Variants in TOP1MT observed in about 807,000 individuals in gnomAD.
TOP1MT encodes the protein DNA topoisomerase I, mitochondrial.
Under a neutral mutation model 73.9 loss-of-function variants are expected in TOP1MT, and 80 were observed. That is an observed-to-expected ratio of 1.08 (90% CI 0.90 to 1.30). The LOEUF (loss-of-function observed/expected upper bound fraction) is 1.30, where lower values mean the gene tolerates loss of function less well. TOP1MT is among the 50% of genes most tolerant of loss of function. The probability of loss-of-function intolerance (pLI) is 0.00; values close to 1 mark genes in which losing one functional copy is unlikely to be tolerated. For synonymous variants in TOP1MT, 338 were observed against 326.4 expected, an observed-to-expected ratio of 1.04 and a Z score of -0.38; for missense variants, 815 against 808.0, an observed-to-expected ratio of 1.01 and a Z score of -0.10.
rs145053975 is a variant in TOP1MT, at chr8:143,309,470, C to T, written c.1777G>A (p.Ala593Thr). ...TQRERFAWAL[A>T]MAGEDFEF ...AATTCAAAGTCTTCTCCTGCCATGG[C>T]GAGAGCCCAGGCGAACCTCTCCCGC... Residue 593 changes from alanine to threonine, a missense_variant, in exon 14 of 14, where the codon GCC becomes ACC. Physicochemically the swap from Ala to Thr is moderately conservative, Grantham distance 58 (BLOSUM62 0). This residue lies in a region of TOP1MT where 751 missense variants were observed against 725.4 expected (regional missense o/e 1.04). Transcript: ENST00000329245. 1.8e-4 allele frequency: 294 copies of T among 1,613,764 alleles called. 1 individual carries two copies. The highest frequency in any genetic ancestry group is 2.3e-4 in the Non-Finnish European group (274 of 1,180,034).
chr8:143,345,921 A>G (rs1817212741), upstream of TOP1MT, among the ~76,000 whole-genome samples: 1 of 152,242 alleles, frequency 6.6e-6, no homozygotes, highest in Non-Finnish European at 1.5e-5. Flanking sequence ...CGCAGGAAAC[A>G]CCTGCAGAAA....
At chr8:143,325,589 C>T in intron 4 of TOP1MT, 56 bp from the exon 5 acceptor site, 1 of 1,536,126 alleles carries the variant, frequency 6.5e-7, no homozygotes, top group Non-Finnish European at 8.9e-7. Flanking sequence ...GAACAGGCCT[C>T]AGTCCGTTGT....
At chr8:143,331,440 A>T in intron 1 of TOP1MT, 101 bp from the exon 2 acceptor site, 3 of 972,898 alleles carry the variant, frequency 3.1e-6, no homozygotes, top group Non-Finnish European at 4.6e-6. Flanking sequence ...CTAGCAGGTG[A>T]GCAGTGTGGC....
In TOP1MT at chr8:143,321,374, C is replaced by G. The variant is rs760932968; in HGVS notation, c.973G>C (p.Ala325Pro). The G allele has an allele frequency of 6.3e-7, 1 of 1,587,072 alleles. No homozygotes were observed. The highest frequency in any genetic ancestry group is 1.1e-5 in the South Asian group (1 of 89,354). ...LYFIDKLALRAGNEKEDGEAA... is the reference protein window; with the variant it reads ...LYFIDKLALRPGNEKEDGEAA... ...TCACCGTCCTCCTTCTCATTTCCTGCTCTCAGTGCCAGCTAGTTGGTGGGG... is the reference window on the plus strand; with the variant it reads ...TCACCGTCCTCCTTCTCATTTCCTGGTCTCAGTGCCAGCTAGTTGGTGGGG... The change falls in exon 8 of 14, where the codon GCA becomes CCA. Residue 325 changes from alanine (A) to proline (P), a missense_variant. Ala to Pro is a conservative substitution (Grantham distance 27). Coordinates refer to ENST00000329245, the MANE Select transcript of TOP1MT (RefSeq NM_052963.3).
At chr8:143,319,450 C>T (rs1816268540) in intron 8 of TOP1MT, among the ~76,000 whole-genome samples, 1 of 152,096 alleles carries the variant, frequency 6.6e-6, no homozygotes, top group Non-Finnish European at 1.5e-5. Flanking sequence ...GTGGGCCTTG[C>T]GCCCAGCCTG....
At chr8:143,327,515 T>A (rs1816740550) in intron 3 of TOP1MT, 1 of 165,924 alleles carries the variant, frequency 6.0e-6, no homozygotes, top group African/African-American at 2.4e-5. Flanking sequence ...TCCGAGGAGC[T>A]CAGGTACGAC....
intron 1 of TOP1MT, among the ~76,000 whole-genome samples, chr8:143,333,139 C>T (rs1032946033): frequency 1.3e-5 from 2 of 151,562 alleles, no homozygotes; most frequent in Admixed American, 6.6e-5. Context: ...TGGGAAACCA[C>T]GTGTATCTCG....
At chr8:143,316,397 G>A (rs1321906047) in intron 10 of TOP1MT, among the ~76,000 whole-genome samples, 1 of 152,106 alleles carries the variant, frequency 6.6e-6, no homozygotes, top group East Asian at 1.9e-4. Context: ...TGGCAAGGAG[G>A]AGGCCCAGCC....
rs201748528 is a variant in TOP1MT, at chr8:143,309,400, A to C, written c.*41T>G. 1.5e-5 allele frequency: 24 copies of C among 1,596,362 alleles called. No individual in the cohort carries two copies. The highest frequency in any genetic ancestry group is 4.0e-5 in the African/African-American group (3 of 74,718). Reference sequence around the variant, plus strand: ...CCAGTACTGCTTTAATAGTGAAAAAAACACACACACATACAAAAGAAGTTT... The same window carrying C: ...CCAGTACTGCTTTAATAGTGAAAAACACACACACACATACAAAAGAAGTTT... On this transcript the variant is annotated 3_prime_UTR_variant, in exon 14 of 14. Transcript: ENST00000329245.
At chr8:143,351,512 G>A (rs995611849) in intron 1 of TOP1MT, among the ~76,000 whole-genome samples, 10 of 151,722 alleles carry the variant, frequency 6.6e-5, no homozygotes, top group Non-Finnish European at 1.0e-4. Flanking sequence ...CCTGGAAGGC[G>A]GAGCTTGTGG....
At chr8:143,324,971 C>T (rs1816665085) in intron 5 of TOP1MT, among the ~76,000 whole-genome samples, 3 of 152,234 alleles carry the variant, frequency 2.0e-5, no homozygotes, top group African/African-American at 7.2e-5. Context: ...CCCTACTCCA[C>T]CCTGTGGTCA....
At chr8:143,322,255 C>T (rs1297533426) in intron 7 of TOP1MT, among the ~76,000 whole-genome samples, 1 of 36,874 alleles carries the variant, frequency 2.7e-5, no homozygotes, top group Non-Finnish European at 4.9e-5. Context: ...CACACGCACG[C>T]CACACACACA....
intron 8 of TOP1MT, 28 bp from the exon 9 acceptor site, chr8:143,318,114 G>T: frequency 1.9e-6 from 3 of 1,610,790 alleles, no homozygotes; most frequent in Non-Finnish European, 2.5e-6. Flanking sequence ...AATTTCAGAG[G>T]ACAGAAAAAA....
intron 2 of TOP1MT, 36 bp downstream of exon 2, chr8:143,331,188 C>T (rs531998503): frequency 1.2e-5 from 18 of 1,534,776 alleles, no homozygotes; most frequent in Non-Finnish European, 1.6e-5. Flanking sequence ...GGGAACCAAG[C>T]GCAGGCTGGG....
chr8:143,351,579 C>CAA (rs35498119), intron 1 of TOP1MT, among the ~76,000 whole-genome samples: 2 of 91,500 alleles, frequency 2.2e-5, no homozygotes, highest in Non-Finnish European at 4.5e-5. Context: ...GACCCAGTCT[C>CAA]AAAAAAAAAA....
chr8:143,353,865 G>A (rs927524410), intron 1 of TOP1MT, among the ~76,000 whole-genome samples: 14 of 148,268 alleles, frequency 9.4e-5, no homozygotes, highest in Non-Finnish European at 1.5e-4. Context: ...TCGGGAGGCT[G>A]AGGCAGGAGG....
chr8:143,357,659 C>T (rs571760319), upstream of TOP1MT, among the ~76,000 whole-genome samples: 8 of 152,260 alleles, frequency 5.3e-5, no homozygotes, highest in South Asian at 8.3e-4. Context: ...CGGTGGCTCA[C>T]GCCTGTAATC....
At chr8:143,318,245 G>A (rs1410388313) in intron 8 of TOP1MT, among the ~76,000 whole-genome samples, 159 bp from the exon 9 acceptor site, 1 of 152,144 alleles carries the variant, frequency 6.6e-6, no homozygotes, top group Non-Finnish European at 1.5e-5. Flanking sequence ...CCCGTGACAC[G>A]GCCCCCACCC....
chr8:143,324,050 A>G lies in TOP1MT; in HGVS notation c.909T>C (p.Ser303=). ...IRSQYRADWK[S]REMKTRQRAV... Reference sequence around the variant, plus strand: ...CCCGCTGTCTCGTCTTCATTTCCCGAGACTTCCAGTCAGCCCGGTACTGGG... The same window carrying G: ...CCCGCTGTCTCGTCTTCATTTCCCGGGACTTCCAGTCAGCCCGGTACTGGG... Residue 303 remains serine (S), a synonymous_variant, in exon 7 of 14, where the codon TCT becomes TCC. Transcript: ENST00000329245. 6.2e-7 allele frequency: 1 copy of G among 1,613,866 alleles called. No homozygotes were observed.
Sources: allele counts gnomAD v4.1 joint callset (sites outside exome capture counted in the v4.1 genomes callset), GRCh38; gene constraint gnomAD v4.1.1; regional missense constraint gnomAD v4.1.1; transcripts MANE v1.5; gene names NCBI Gene and HGNC (gene_info 2026-07-23, HGNC 2026-07-21).